The following TSGA10 variants were observed in gnomAD, a reference collection of about 807,000 sequenced individuals.
The protein encoded by TSGA10 is testis-specific gene 10 protein.
TSGA10 carries 43 observed loss-of-function variants against 96.6 expected under a neutral mutation model. The observed-to-expected ratio is 0.44, with a 90% confidence interval of 0.35 to 0.57. The LOEUF is 0.57. Among genes scored for constraint, TSGA10 ranks in the 20% least tolerant of loss-of-function variants. TSGA10 has a pLI of 0.01. For synonymous variants in TSGA10, 229 were observed against 269.9 expected, an observed-to-expected ratio of 0.85 and a Z score of 1.48; for missense variants, 703 against 834.4, an observed-to-expected ratio of 0.84 and a Z score of 1.94.
Position 99,104,060 on chromosome 2 carries a change from C to T in TSGA10, c.518G>A (p.Ser173Asn), listed in dbSNP as rs1168366228. The change falls in exon 10 of 21, where the codon AGC becomes AAC. Residue 173 changes from serine to asparagine, a missense_variant. This residue lies in a region of TSGA10 where 585 missense variants were observed against 656.8 expected (regional missense o/e 0.89). Coordinates refer to ENST00000393483, the MANE Select transcript of TSGA10 (RefSeq NM_025244.4). The stretch of plus-strand genomic sequence containing the variant: ...TGATTTCATTTCTTTTTCCACAGTG[C>T]TTATGGTTTCCTTCATCAAAGTCAT... Reference protein sequence around the residue: ...SNMTLMKETISTVEKEMKSLA... With the variant: ...SNMTLMKETINTVEKEMKSLA... The T allele has an allele frequency of 1.2e-6, 2 of 1,613,988 alleles. No individual in the cohort carries two copies. The highest frequency in any genetic ancestry group is 1.7e-6 in the Non-Finnish European group (2 of 1,179,984).
intron 20 of TSGA10, among the ~76,000 whole-genome samples, chr2:99,016,593 T>C (rs746844040): frequency 1.3e-5 from 2 of 152,218 alleles, no homozygotes; most frequent in Non-Finnish European, 2.9e-5. Flanking sequence ...GGCAAAGATT[T>C]CATGACCAAG....
At chr2:99,029,137 T>C (rs1478673950) in intron 17 of TSGA10, among the ~76,000 whole-genome samples, 2 of 152,182 alleles carry the variant, frequency 1.3e-5, no homozygotes, top group African/African-American at 4.8e-5. Context: ...CTGAAATCCA[T>C]TGTAGCCTAA....
At chr2:99,011,107 C>T (rs1573435601) in intron 20 of TSGA10, among the ~76,000 whole-genome samples, 2 of 152,192 alleles carry the variant, frequency 1.3e-5, no homozygotes, top group Non-Finnish European at 2.9e-5. Context: ...AACCCTGCCC[C>T]GACCTAAAGT....
At chr2:99,145,790 A>C (rs1171780587) in intron 1 of TSGA10, among the ~76,000 whole-genome samples, 1 of 152,202 alleles carries the variant, frequency 6.6e-6, no homozygotes, top group Admixed American at 6.5e-5. Context: ...TGATATGGGA[A>C]GCAACTAGAG....
In TSGA10 at chr2:99,087,075, G is replaced by C. The variant is rs568847184; in HGVS notation, c.612-5678C>G. Among the ~76,000 whole-genome samples, 3 of 152,172 alleles carry C rather than the reference G, an allele frequency of 2.0e-5. No individual in the cohort carries two copies. In the South Asian group the frequency reaches 6.2e-4, roughly 32 times the overall value. ...AAAAATTAGCCACGTGTGGTGGTGG[G>C]CACCTGTAGTCCCAGCTACTGGGGA... On this transcript the variant is annotated intron_variant, in intron 10 of 20. Transcript: ENST00000393483.
At chr2:99,108,610 G>A (rs76550255) in intron 7 of TSGA10, among the ~76,000 whole-genome samples, 9,085 of 152,036 alleles carry the variant, frequency 0.06, 523 homozygotes, top group East Asian at 0.21. Flanking sequence ...TTATACATGT[G>A]TATGATTTTT....
At chr2:99,102,599 T>A in intron 10 of TSGA10, 1 of 1,614,178 alleles carries the variant, frequency 6.2e-7, no homozygotes, top group East Asian at 2.2e-5. Flanking sequence ...TTGCTGTACA[T>A]GCTCAGTTTA....
chr2:99,136,005 G>A (rs1220106939), intron 1 of TSGA10, among the ~76,000 whole-genome samples: 6 of 30,624 alleles, frequency 2.0e-4, no homozygotes, highest in Non-Finnish European at 5.1e-4. Context: ...GCGAGACTTC[G>A]TACCAAAAAA....
At chr2:99,059,361 A>G (rs1435578922) in intron 16 of TSGA10, among the ~76,000 whole-genome samples, 2 of 151,918 alleles carry the variant, frequency 1.3e-5, no homozygotes, top group South Asian at 2.1e-4. Context: ...TAGGCCAGGC[A>G]TGGTGGCTCA....
At chr2:99,107,363 A>T (rs2091443541) in intron 7 of TSGA10, among the ~76,000 whole-genome samples, 1 of 152,204 alleles carries the variant, frequency 6.6e-6, no homozygotes, top group African/African-American at 2.4e-5. Flanking sequence ...ATAAGAAGAC[A>T]GTATAGAAAG....
intron 16 of TSGA10, among the ~76,000 whole-genome samples, chr2:99,046,929 A>G (rs1333770006): frequency 6.6e-6 from 1 of 152,242 alleles, no homozygotes; most frequent in African/African-American, 2.4e-5. Context: ...CTACCATCAG[A>G]GAATACTATA....
chr2:99,026,478 G>A lies in TSGA10; in HGVS notation c.1615-5996C>T, dbSNP rs1025031349. 2.6e-5 allele frequency among the ~76,000 whole-genome samples: 4 copies of A among 151,842 alleles called. No homozygotes were observed. The East Asian group carries it at 7.7e-4, about 29-fold the overall frequency. On this transcript the variant is annotated intron_variant, in intron 17 of 20. Transcript: ENST00000393483. ...TCTGCCACCCAGGCTGGAGTGCAGT[G>A]GCATGATCTCGGCTCACTGTAAGCT...
At chr2:99,087,938 G>A (rs922893715) in intron 10 of TSGA10, among the ~76,000 whole-genome samples, 19 of 152,114 alleles carry the variant, frequency 1.2e-4, no homozygotes, top group Non-Finnish European at 2.5e-4. Flanking sequence ...AGAAAATACA[G>A]ATTAAAACCA....
chr2:99,109,792 A>G (rs2091652419), intron 5 of TSGA10, among the ~76,000 whole-genome samples: 1 of 152,232 alleles, frequency 6.6e-6, no homozygotes, highest in South Asian at 2.1e-4. Context: ...AAAAAATGGT[A>G]AAGAAATTTT....
At chr2:99,018,898 G>A (rs2079768830) in intron 18 of TSGA10, among the ~76,000 whole-genome samples, 1 of 152,012 alleles carries the variant, frequency 6.6e-6, no homozygotes, top group African/African-American at 2.4e-5. Flanking sequence ...CTTCCCTGTG[G>A]GAACATATTA....
At chr2:99,080,927 A>G (rs967251347) in intron 11 of TSGA10, among the ~76,000 whole-genome samples, 1 of 152,198 alleles carries the variant, frequency 6.6e-6, no homozygotes, top group Middle Eastern at 3.2e-3. Context: ...AAACATATGT[A>G]CACTTTCCAC....
intron 2 of TSGA10, among the ~76,000 whole-genome samples, chr2:99,123,997 G>C (rs1349423225): frequency 1.3e-5 from 2 of 152,178 alleles, no homozygotes; most frequent in Non-Finnish European, 2.9e-5. Flanking sequence ...ATATACCTAG[G>C]AGTGGAATAG....
At chr2:99,071,545 A>G (rs1379187544) in intron 14 of TSGA10, among the ~76,000 whole-genome samples, 161 bp downstream of exon 14, 1 of 152,122 alleles carries the variant, frequency 6.6e-6, no homozygotes, top group Non-Finnish European at 1.5e-5. Context: ...GTGTCTGAGA[A>G]TTCCATTTAA....
chr2:99,064,982 C>G lies in TSGA10; in HGVS notation c.1361G>C (p.Arg454Thr). The G allele has an allele frequency of 6.2e-7, 1 of 1,607,422 alleles. No homozygotes were observed. The highest frequency in any genetic ancestry group is 8.5e-7 in the Non-Finnish European group (1 of 1,177,802). ...ELITAEAEGN[R>T]LKEKVDSLNR... ...GAGGGAATCTACTTTTTCTTTTAAT[C>G]TGTTACCCTCTGCCTCAGCAGTGAT... The change falls in exon 16 of 21, where the codon AGA becomes ACA. Residue 454 changes from arginine (R) to threonine (T), a missense_variant. Physicochemically the swap from Arg to Thr is moderately conservative, Grantham distance 71. Transcript: ENST00000393483.
Sources: allele counts gnomAD v4.1 joint callset (sites outside exome capture counted in the v4.1 genomes callset), GRCh38; gene constraint gnomAD v4.1.1; regional missense constraint gnomAD v4.1.1; transcripts MANE v1.5; gene names NCBI Gene and HGNC (gene_info 2026-07-23, HGNC 2026-07-21).